Variants in EPAS1 observed in about 807,000 individuals in gnomAD.
The protein encoded by EPAS1 is endothelial PAS domain-containing protein 1.
Under a neutral mutation model 87.9 loss-of-function variants are expected in EPAS1, and 23 were observed. The observed-to-expected ratio is 0.26, with a 90% CI of 0.19 to 0.37. The LOEUF is 0.37. EPAS1 is among the 10% of genes least tolerant of loss of function. EPAS1 has a pLI of 1.00. For missense variants in EPAS1, 1,138 were observed against 1,120.7 expected (o/e 1.02, Z -0.22); for synonymous variants, 508 against 444.3 (o/e 1.14, Z -1.80).
At chr2:46,354,580 G>A (rs1461203879) in intron 2 of EPAS1, among the ~76,000 whole-genome samples, 1 of 150,784 alleles carries the variant, frequency 6.6e-6, no homozygotes, top group African/African-American at 2.4e-5. Context: ...GATACTCAAA[G>A]TGTGGGTGGT....
chr2:46,353,368 G>A (rs1239574706), intron 2 of EPAS1, among the ~76,000 whole-genome samples: 1 of 152,220 alleles, frequency 6.6e-6, no homozygotes, highest in East Asian at 1.9e-4. Context: ...CCCAGCAGGG[G>A]CCCGTCCAGG....
intron 1 of EPAS1, among the ~76,000 whole-genome samples, chr2:46,311,905 T>C (rs1683218084): frequency 6.6e-6 from 1 of 152,162 alleles, no homozygotes; most frequent in Admixed American, 6.5e-5. Context: ...TGAGCATTGA[T>C]CCCTTTGTTC....
Position 46,376,634 on chromosome 2 carries a change from G to T in EPAS1, c.1130G>T (p.Ser377Ile). The change falls in exon 9 of 16, where the codon AGT (serine) becomes ATT (isoleucine). Residue 377 changes from serine to isoleucine, a missense_variant. Ser to Ile is a moderately radical substitution (Grantham distance 142, BLOSUM62 -2). Around this residue, in one of 4 missense-constraint regions of EPAS1, gnomAD observed 284 missense variants for 258.4 expected, o/e 1.10. Coordinates refer to ENST00000263734, the MANE Select transcript of EPAS1 (RefSeq NM_001430.5). The stretch of plus-strand genomic sequence containing the variant: ...GCCATGAACAGCATCTTTGATAGCA[G>T]TGGCAAGGGGGCTGTGTCTGAGAAG... Reference protein sequence around the residue: ...LMAMNSIFDSSGKGAVSEKSN... With the variant: ...LMAMNSIFDSIGKGAVSEKSN... The T allele has an allele frequency of 6.2e-7, 1 of 1,614,178 alleles. No homozygotes were observed. The highest frequency in any genetic ancestry group is 8.5e-7 in the Non-Finnish European group (1 of 1,180,032).
intron 2 of EPAS1, 21 bp from the exon 3 acceptor site, chr2:46,356,129 TC>T: frequency 1.6e-6 from 2 of 1,242,726 alleles, no homozygotes; most frequent in Non-Finnish European, 2.3e-6. Flanking sequence ...ATGCAAGCTG[TC>T]CCACCCCCCC....
intron 10 of EPAS1, among the ~76,000 whole-genome samples, 181 bp from the exon 11 acceptor site, chr2:46,378,476 A>G (rs1448841507): frequency 6.6e-6 from 1 of 152,184 alleles, no homozygotes; most frequent in African/African-American, 2.4e-5. Context: ...TGGAATTTAG[A>G]GAGGTTGATG....
chr2:46,361,139 G>C (rs1558602312), intron 6 of EPAS1, 49 bp downstream of exon 6: 3 of 1,584,258 alleles, frequency 1.9e-6, no homozygotes, highest in South Asian at 1.1e-5. Flanking sequence ...GGTCTTACCT[G>C]TGTGTGTGGG....
At chr2:46,298,555 G>C (rs756556186) in intron 1 of EPAS1, among the ~76,000 whole-genome samples, 4 of 152,232 alleles carry the variant, frequency 2.6e-5, no homozygotes, top group Non-Finnish European at 5.9e-5. Flanking sequence ...TTGACTCTGG[G>C]GAGAGTAGGT....
intron 1 of EPAS1, among the ~76,000 whole-genome samples, chr2:46,336,814 AC>A (rs1683801936): frequency 6.6e-6 from 1 of 152,194 alleles, no homozygotes; most frequent in Non-Finnish European, 1.5e-5. Context: ...CCCAGATCCT[AC>A]TGAGCCTGCA....
chr2:46,365,517 G>A (rs1487596041), intron 6 of EPAS1, among the ~76,000 whole-genome samples: 1 of 152,150 alleles, frequency 6.6e-6, no homozygotes, highest in Non-Finnish European at 1.5e-5. Context: ...ATGTCAGTAA[G>A]GAGAACTATA....
At chr2:46,348,080 T>G (rs1386431804) in intron 2 of EPAS1, among the ~76,000 whole-genome samples, 1 of 152,072 alleles carries the variant, frequency 6.6e-6, no homozygotes, top group African/African-American at 2.4e-5. Context: ...GGGAATCCAG[T>G]GTGAGGCTGG....
intron 1 of EPAS1, among the ~76,000 whole-genome samples, chr2:46,322,250 T>C (rs2121267): frequency 0.33 from 50,757 of 152,096 alleles, 10,026 homozygotes; most frequent in Middle Eastern, 0.48. Flanking sequence ...TAGGTTCTTA[T>C]GCTGGCAGCT....
intron 2 of EPAS1, among the ~76,000 whole-genome samples, chr2:46,350,022 A>G (rs1311963262): frequency 2.0e-5 from 3 of 152,238 alleles, no homozygotes; most frequent in Admixed American, 6.5e-5. Flanking sequence ...GATAACAGAT[A>G]TAAAAGGCCT....
intron 1 of EPAS1, among the ~76,000 whole-genome samples, chr2:46,344,435 G>C (rs192433599): frequency 1.1e-3 from 170 of 152,320 alleles, no homozygotes; most frequent in Admixed American, 4.0e-3. Flanking sequence ...TTTTGTTGGA[G>C]AGCACAAGGG....
intron 12 of EPAS1, 108 bp from the exon 13 acceptor site, chr2:46,381,488 G>A: frequency 6.3e-7 from 1 of 1,578,668 alleles, no homozygotes; most frequent in Non-Finnish European, 8.7e-7. Flanking sequence ...GGGTCTTTGA[G>A]TCATCACAGG....
chr2:46,317,951 A>G (rs1382879359), intron 1 of EPAS1, among the ~76,000 whole-genome samples: 2 of 151,774 alleles, frequency 1.3e-5, no homozygotes, highest in Non-Finnish European at 3.0e-5. Context: ...CTAGAATTGA[A>G]GAGAGTTAGG....
At chr2:46,351,166 G>C (rs758978453) in intron 2 of EPAS1, among the ~76,000 whole-genome samples, 5 of 152,182 alleles carry the variant, frequency 3.3e-5, no homozygotes, top group Non-Finnish European at 7.3e-5. Context: ...TGATTCATGT[G>C]AGGATGTTAA....
At position 46,359,257 on chromosome 2, in the gene EPAS1, C is replaced by CAAAAAAAAAAAAAAAAAAA. The variant is rs57351888; in HGVS notation, c.455-1375_455-1357dup. 5.6e-4 allele frequency among the ~76,000 whole-genome samples: 14 copies of CAAAAAAAAAAAAAAAAAAA among 25,084 alleles called. 1 individual carries two copies. Among genetic ancestry groups the CAAAAAAAAAAAAAAAAAAA allele is most frequent in the Admixed American group, 5.8e-4 (1 of 1,736 alleles). 16.5% of individuals were successfully genotyped at this position (25,084 alleles called of 152,430 possible). A position where few individuals can be genotyped will look rare whatever the true frequency, so the allele number is the denominator to read the frequency against. ...CTGGCGACAGAGCAAGATTCTGTCT[C>CAAAAAAAAAAAAAAAAAAA]AAAAAAAAAAAAAAAAAAAAAAAAG... On this transcript the variant is annotated intron_variant, in intron 4 of 15. Transcript: ENST00000263734.
intron 1 of EPAS1, among the ~76,000 whole-genome samples, chr2:46,298,596 A>G (rs1351489756): frequency 6.6e-6 from 1 of 152,226 alleles, no homozygotes; most frequent in East Asian, 1.9e-4. Context: ...CTGCGGGGGC[A>G]GATGGTTCGG....
chr2:46,362,983 G>A (rs1009675540), intron 6 of EPAS1, among the ~76,000 whole-genome samples: 18 of 91,800 alleles, frequency 2.0e-4, no homozygotes, highest in African/African-American at 6.1e-4. Context: ...TGGTAGTGGT[G>A]GTGGTGGTGG....
Sources: allele counts gnomAD v4.1 joint callset (sites outside exome capture counted in the v4.1 genomes callset), GRCh38; gene constraint gnomAD v4.1.1; regional missense constraint gnomAD v4.1.1; transcripts MANE v1.5; gene names NCBI Gene and HGNC (gene_info 2026-07-23, HGNC 2026-07-21).